The following PKHD1 variants were observed in gnomAD, a reference collection of about 807,000 sequenced individuals.
PKHD1 encodes the protein PKHD1 ciliary IPT domain containing fibrocystin/polyductin, also known as fibrocystin.
Under a neutral mutation model 412.0 loss-of-function variants are expected in PKHD1, and 291 were observed. The observed-to-expected ratio is 0.71, with a 90% CI of 0.64 to 0.78. The LOEUF is 0.78. Ranked by LOEUF, PKHD1 falls within the 30% of genes least tolerant of loss-of-function variation. The pLI is 0.00. For synonymous variants in PKHD1, 1,777 were observed against 1,821.5 expected (o/e 0.98, Z 0.62); for missense variants, 4,825 against 4,950.7 (o/e 0.97, Z 0.76).
intron 37 of PKHD1, among the ~76,000 whole-genome samples, chr6:51,916,449 A>G (rs1315166557): frequency 6.6e-6 from 1 of 152,158 alleles, no homozygotes; most frequent in East Asian, 1.9e-4. Context: ...CTTCAAGGAC[A>G]AGATTATATG....
intron 60 of PKHD1, among the ~76,000 whole-genome samples, chr6:51,671,860 G>A (rs527707406): frequency 2.6e-5 from 4 of 152,250 alleles, no homozygotes; most frequent in South Asian, 2.1e-4. Context: ...TAGGCTGCTC[G>A]GGGGTCAGGG....
intron 59 of PKHD1, among the ~76,000 whole-genome samples, chr6:51,745,372 A>G (rs1260286203): frequency 1.3e-5 from 2 of 152,168 alleles, no homozygotes; most frequent in Non-Finnish European, 2.9e-5. Flanking sequence ...GGGCTTGAGG[A>G]TGAAGAGAGT....
chr6:51,955,856 C>A (rs561823715), intron 36 of PKHD1, among the ~76,000 whole-genome samples: 3 of 152,086 alleles, frequency 2.0e-5, no homozygotes, highest in African/African-American at 2.4e-5. Context: ...TCTAAGCCTG[C>A]AGATGGTATC....
chr6:52,073,362 G>C, intron 7 of PKHD1, 101 bp downstream of exon 7: 1 of 823,788 alleles, frequency 1.2e-6, no homozygotes, highest in Non-Finnish European at 2.2e-6. Context: ...TAGCAATTCT[G>C]TGCCAACTGC....
chr6:51,981,361 C>G (rs1288683342), intron 35 of PKHD1, among the ~76,000 whole-genome samples: 7 of 103,234 alleles, frequency 6.8e-5, no homozygotes, highest in Admixed American at 2.3e-4. Context: ...CCCTCTCCCT[C>G]TCCCTCTCCC....
intron 36 of PKHD1, among the ~76,000 whole-genome samples, chr6:51,956,249 C>T (rs989003784): frequency 6.6e-6 from 1 of 151,540 alleles, no homozygotes; most frequent in Non-Finnish European, 1.5e-5. Context: ...ACATATTTTG[C>T]GTGTGTAAAT....
intron 35 of PKHD1, among the ~76,000 whole-genome samples, chr6:51,993,720 C>T (rs1396526399): frequency 6.6e-6 from 1 of 152,176 alleles, no homozygotes; most frequent in African/African-American, 2.4e-5. Context: ...AAAGAACTTC[C>T]TGCCTCAACT....
At chr6:51,780,998 C>T (rs9463708) in intron 53 of PKHD1, among the ~76,000 whole-genome samples, 89,118 of 151,956 alleles carry the variant, frequency 0.59, 26,892 homozygotes, top group East Asian at 0.83. Flanking sequence ...AAATAAATTT[C>T]GTACATTTTT....
At chr6:51,821,966 C>T (rs1365723240) in intron 52 of PKHD1, among the ~76,000 whole-genome samples, 1 of 152,202 alleles carries the variant, frequency 6.6e-6, no homozygotes, top group African/African-American at 2.4e-5. Flanking sequence ...GGATTACAGG[C>T]GTGAGCCACT....
chr6:51,627,176 T>A (rs1408430474), intron 65 of PKHD1, 60 bp from the exon 66 acceptor site: 4 of 1,476,334 alleles, frequency 2.7e-6, no homozygotes, highest in Non-Finnish European at 3.8e-6. Flanking sequence ...ACCATCAGCA[T>A]TTAGGTGTTT....
intron 63 of PKHD1, among the ~76,000 whole-genome samples, chr6:51,642,666 C>T (rs1233126122): frequency 6.6e-6 from 1 of 152,052 alleles, no homozygotes; most frequent in Non-Finnish European, 1.5e-5. Context: ...ACGGCAAAAC[C>T]CCGTCTTTAC....
At chr6:51,666,226 A>C (rs996561887) in intron 60 of PKHD1, among the ~76,000 whole-genome samples, 3 of 152,212 alleles carry the variant, frequency 2.0e-5, no homozygotes, top group African/African-American at 7.2e-5. Flanking sequence ...AATTATTTAA[A>C]ATGAGAAAAA....
At position 51,947,469 on chromosome 6, in the gene PKHD1, G is replaced by C. The variant is rs75484470; in HGVS notation, c.5908+12401C>G. Among the ~76,000 whole-genome samples the C allele has an allele frequency of 1.0e-3, 159 of 152,248 alleles. 1 individual carries two copies. Among genetic ancestry groups the C allele is most frequent in the African/African-American group, 3.7e-3 (152 of 41,544 alleles). ...TAGAACCTTTGTCTTTCCTTCACCT[G>C]GTATCTAATTTCATGTCTTCATTTT... is the stretch of plus-strand genomic sequence containing the variant. On this transcript the variant is annotated intron_variant, in intron 36 of 66. Coordinates refer to ENST00000371117, the MANE Select transcript of PKHD1 (RefSeq NM_138694.4).
chr6:51,786,623 C>T (rs1792896021), intron 53 of PKHD1, among the ~76,000 whole-genome samples: 2 of 152,128 alleles, frequency 1.3e-5, no homozygotes, highest in African/African-American at 4.8e-5. Context: ...AAGTATAATG[C>T]TCATCTAAAA....
chr6:52,008,341 C>T (rs900416929), intron 35 of PKHD1, among the ~76,000 whole-genome samples: 3 of 152,178 alleles, frequency 2.0e-5, no homozygotes, highest in African/African-American at 7.2e-5. Flanking sequence ...TGAATTGACT[C>T]TATGTACCCT....
chr6:51,904,894 C>T (rs1349527562), intron 41 of PKHD1, among the ~76,000 whole-genome samples: 1 of 152,186 alleles, frequency 6.6e-6, no homozygotes, highest in Non-Finnish European at 1.5e-5. Flanking sequence ...CAAAGTCAAT[C>T]CTACATCTGT....
In PKHD1 at chr6:52,027,915, T is replaced by C. The variant is rs771929359; in HGVS notation, c.3561-19A>G. 9.4e-6 allele frequency: 15 copies of C among 1,591,826 alleles called. No homozygotes were observed. Among genetic ancestry groups the C allele is most frequent in the South Asian group, 6.6e-5 (6 of 90,616 alleles). On this transcript the variant is annotated intron_variant, in intron 30 of 66. Coordinates refer to ENST00000371117, the MANE Select transcript of PKHD1 (RefSeq NM_138694.4). ...ATCAACCCTACAGAAGATAGGCAGA[T>C]GTTTAGGAAATAACTGACAGAGAGA...
At chr6:51,943,840 T>G (rs144881963) in intron 36 of PKHD1, among the ~76,000 whole-genome samples, 8 of 151,650 alleles carry the variant, frequency 5.3e-5, no homozygotes, top group African/African-American at 9.6e-5. Context: ...ACTGTAGGTT[T>G]CCATGCCGCC....
At chr6:51,718,290 G>A (rs1333487976) in intron 60 of PKHD1, among the ~76,000 whole-genome samples, 1 of 152,146 alleles carries the variant, frequency 6.6e-6, no homozygotes, top group East Asian at 1.9e-4. Flanking sequence ...CTCTCTGACT[G>A]CTCTTTCACT....
Sources: gnomAD v4.1 joint callset for allele counts (sites outside exome capture counted in the v4.1 genomes callset) on GRCh38, gnomAD v4.1.1 for gene constraint, MANE v1.5 for transcripts, NCBI Gene and HGNC (gene_info 2026-07-23, HGNC 2026-07-21) for gene names.